ZNF385D: variants seen among roughly 807,000 people sequenced by gnomAD.
The protein encoded by ZNF385D is zinc finger protein 385D.
Under a neutral mutation model 35.8 loss-of-function variants are expected in ZNF385D, and 15 were observed. The ratio of observed to expected loss-of-function variants is 0.42; its 90% confidence interval spans 0.28 to 0.64. The LOEUF is 0.64. Ranked by LOEUF, ZNF385D falls within the 30% of genes least tolerant of loss-of-function variation. ZNF385D has a pLI of 0.23. For synonymous variants in ZNF385D, 212 were observed against 186.8 expected (o/e 1.13, Z -1.10); for missense variants, 474 against 494.6 (o/e 0.96, Z 0.39).
At chr3:22,173,064 T>TAACA (rs1412547182) in intron 2 of ZNF385D, among the ~76,000 whole-genome samples, 2 of 152,218 alleles carry the variant, frequency 1.3e-5, no homozygotes, top group African/African-American at 4.8e-5. Flanking sequence ...CTAACAATGG[T>TAACA]ATTTCACCTC....
intron 3 of ZNF385D, among the ~76,000 whole-genome samples, chr3:21,760,202 C>T (rs922333179): frequency 6.6e-6 from 1 of 152,158 alleles, no homozygotes; most frequent in Admixed American, 6.5e-5. Flanking sequence ...GCCATTTTCA[C>T]CCTTGACTCA....
At chr3:21,629,050 A>G (rs1343968475) in intron 2 of ZNF385D, among the ~76,000 whole-genome samples, 1 of 152,106 alleles carries the variant, frequency 6.6e-6, no homozygotes, top group African/African-American at 2.4e-5. Context: ...TGAACAGATA[A>G]TTAGTAAGGT....
At chr3:22,321,350 G>A (rs76596217) in intron 2 of ZNF385D, among the ~76,000 whole-genome samples, 3,572 of 151,482 alleles carry the variant, frequency 0.024, 121 homozygotes, top group African/African-American at 0.082. Context: ...ATATATATGT[G>A]TGTACTTTTT....
At chr3:21,483,748 G>A (rs745594098) in intron 4 of ZNF385D, among the ~76,000 whole-genome samples, 14 of 152,020 alleles carry the variant, frequency 9.2e-5, no homozygotes, top group Admixed American at 3.3e-4. Context: ...CATGGCTTTC[G>A]TCTATTTTCT....
In ZNF385D at chr3:21,784,581, G is replaced by A. The variant is rs190599166; in HGVS notation, c.326-119553C>T. 3.2e-3 allele frequency among the ~76,000 whole-genome samples: 485 copies of A among 151,516 alleles called. 6 individuals carry two copies. The highest frequency in any genetic ancestry group is 0.011 in the South Asian group (54 of 4,798). On this transcript the variant is annotated intron_variant, in intron 3 of 5. Coordinates refer to the ZNF385D transcript ENST00000494108. ...GTGAGGGCAGTAAGGAACTGCACTTGGACACAAAATTTAGAGGGCACTAAA... is the reference window on the plus strand; with the variant it reads ...GTGAGGGCAGTAAGGAACTGCACTTAGACACAAAATTTAGAGGGCACTAAA...
intron 1 of ZNF385D, among the ~76,000 whole-genome samples, chr3:21,721,756 G>A (rs923150408): frequency 3.3e-5 from 5 of 152,102 alleles, no homozygotes; most frequent in African/African-American, 7.2e-5. Flanking sequence ...ATGGAGTCTG[G>A]AGCCAAGCCT....
intron 3 of ZNF385D, among the ~76,000 whole-genome samples, chr3:21,977,594 AGAGT>A (rs1703712085): frequency 6.6e-6 from 1 of 152,100 alleles, no homozygotes; most frequent in African/African-American, 2.4e-5. Context: ...CATAGTGGGA[AGAGT>A]GCTTGAGGAC....
chr3:21,892,955 T>G, intron 3 of ZNF385D, among the ~76,000 whole-genome samples: 1 of 152,178 alleles, frequency 6.6e-6, no homozygotes, highest in Non-Finnish European at 1.5e-5. Context: ...CAATTTCTAT[T>G]GCGTGTATGT....
intron 2 of ZNF385D, among the ~76,000 whole-genome samples, chr3:21,567,241 A>T (rs2063180499): frequency 6.6e-6 from 1 of 152,214 alleles, no homozygotes; most frequent in Admixed American, 6.5e-5. Flanking sequence ...ATTAAAACTT[A>T]ATTTAAAATT....
intron 3 of ZNF385D, among the ~76,000 whole-genome samples, chr3:22,017,948 G>C (rs79188647): frequency 0.032 from 4,903 of 151,854 alleles, 123 homozygotes; most frequent in Middle Eastern, 0.1. Context: ...TTCTTACAGT[G>C]AAGTTCTATG....
chr3:22,007,263 A>AT (rs1455431115), intron 3 of ZNF385D, among the ~76,000 whole-genome samples: 1 of 152,114 alleles, frequency 6.6e-6, no homozygotes, highest in Non-Finnish European at 1.5e-5. Flanking sequence ...CTAAATCTTA[A>AT]TTTTTTTAAA....
intron 3 of ZNF385D, among the ~76,000 whole-genome samples, chr3:21,872,224 A>T (rs1320544139): frequency 6.6e-6 from 1 of 152,150 alleles, no homozygotes; most frequent in Non-Finnish European, 1.5e-5. Flanking sequence ...CTCGAGTAAT[A>T]TATGTGGCGA....
chr3:22,309,092 G>A (rs1323778528), intron 2 of ZNF385D, among the ~76,000 whole-genome samples: 2 of 151,970 alleles, frequency 1.3e-5, no homozygotes, highest in Non-Finnish European at 2.9e-5. Context: ...AACTTGAAGG[G>A]TGCCAAGATA....
chr3:22,347,210 C>A (rs1220248486), intron 2 of ZNF385D, among the ~76,000 whole-genome samples: 1 of 152,142 alleles, frequency 6.6e-6, no homozygotes, highest in East Asian at 1.9e-4. Flanking sequence ...CATGTTTATT[C>A]ATCTTTAAAC....
intron 2 of ZNF385D, among the ~76,000 whole-genome samples, chr3:22,334,093 G>T (rs929247942): frequency 6.6e-6 from 1 of 152,140 alleles, no homozygotes; most frequent in South Asian, 2.1e-4. Context: ...CATATTTAAT[G>T]CATGTCTCTT....
intron 3 of ZNF385D, among the ~76,000 whole-genome samples, chr3:21,868,940 C>G (rs1697535962): frequency 6.6e-6 from 1 of 152,034 alleles, no homozygotes; most frequent in Non-Finnish European, 1.5e-5. Flanking sequence ...TTTATGCTCT[C>G]TCATATTCTA....
At chr3:21,718,890 A>T (rs778882568) in intron 1 of ZNF385D, among the ~76,000 whole-genome samples, 2 of 152,194 alleles carry the variant, frequency 1.3e-5, no homozygotes, top group Non-Finnish European at 1.5e-5. Context: ...CTTCACTTAA[A>T]ACTGTATTTT....
At chr3:21,823,584 A>T (rs1694413537) in intron 3 of ZNF385D, among the ~76,000 whole-genome samples, 1 of 152,220 alleles carries the variant, frequency 6.6e-6, no homozygotes, top group Non-Finnish European at 1.5e-5. Context: ...TGCTATGTTC[A>T]GATGAATTTT....
rs77868800 is a variant in ZNF385D, at chr3:22,188,232, G to C, written c.107-19197C>G. ...ATTTATTTTAGTAAGTAAAATGATA[G>C]ATTTGTAGTTTCATAAGATACTGCT... On this transcript the variant is annotated intron_variant, in intron 2 of 5. Transcript: ENST00000494108. Among the ~76,000 whole-genome samples the C allele has an allele frequency of 4.8e-3, 737 of 152,282 alleles. 10 individuals are homozygous for C. The highest frequency in any genetic ancestry group is 0.017 in the African/African-American group (690 of 41,560).
Sources: allele counts gnomAD v4.1 joint callset (sites outside exome capture counted in the v4.1 genomes callset), GRCh38; gene constraint gnomAD v4.1.1; transcripts MANE v1.5; gene names NCBI Gene and HGNC (gene_info 2026-07-23, HGNC 2026-07-21).